TG: variants seen among roughly 807,000 people sequenced by gnomAD.
TG encodes the protein thyroglobulin, also known as thyroid hormones.
Under a neutral mutation model 324.7 loss-of-function variants are expected in TG, and 270 were observed. The ratio of observed to expected loss-of-function variants is 0.83; its 90% confidence interval spans 0.75 to 0.92. The LOEUF (loss-of-function observed/expected upper bound fraction) is 0.92, where lower values mean the gene tolerates loss of function less well. TG is among the 40% of genes least tolerant of loss of function. TG has a pLI of 0.00. For synonymous variants in TG, 1,401 were observed against 1,327.0 expected, an observed-to-expected ratio of 1.06 and a Z score of -1.21; for missense variants, 3,591 against 3,456.4, an observed-to-expected ratio of 1.04 and a Z score of -0.98.
At chr8:132,931,686 T>A (rs1458173666) in intron 23 of TG, among the ~76,000 whole-genome samples, 1 of 152,174 alleles carries the variant, frequency 6.6e-6, no homozygotes, top group Non-Finnish European at 1.5e-5. Context: ...AATTGTTTTC[T>A]TGACTGAATT....
chr8:132,935,751 T>A lies in TG; in HGVS notation c.4933-5T>A, dbSNP rs1345621216. 6.2e-7 allele frequency: 1 copy of A among 1,610,310 alleles called. No homozygotes were observed. The highest frequency in any genetic ancestry group is 1.7e-5 in the Admixed American group (1 of 60,024). ...GATAATAATGCAGCATCTTTCCATC[T>A]CCAGAAACGAGATGCACTGGGGAAC... On this transcript the variant is annotated splice_polypyrimidine_tract_variant and splice_region_variant and intron_variant, in intron 24 of 47. Coordinates refer to ENST00000220616, the MANE Select transcript of TG (RefSeq NM_003235.5).
At chr8:133,036,056 T>C (rs1837087560) in intron 41 of TG, among the ~76,000 whole-genome samples, 1 of 152,198 alleles carries the variant, frequency 6.6e-6, no homozygotes, top group South Asian at 2.1e-4. Flanking sequence ...TCCTTCAGCA[T>C]GCAGTCTTGC....
chr8:132,968,974 T>C (rs1829054704), intron 31 of TG, among the ~76,000 whole-genome samples: 1 of 152,154 alleles, frequency 6.6e-6, no homozygotes, highest in South Asian at 2.1e-4. Context: ...GAACGAACCT[T>C]CTATCTTCTT....
At chr8:133,040,911 C>T (rs777211085) in intron 41 of TG, among the ~76,000 whole-genome samples, 16 of 152,176 alleles carry the variant, frequency 1.1e-4, no homozygotes, top group Non-Finnish European at 1.5e-4. Flanking sequence ...TAAATAAACC[C>T]GTTTCTTTTT....
intron 27 of TG, among the ~76,000 whole-genome samples, chr8:132,958,710 C>CA (rs34843766): frequency 2.6e-4 from 38 of 148,086 alleles, no homozygotes; most frequent in African/African-American, 3.7e-4. Flanking sequence ...GACTTTGTCT[C>CA]AAAAAAAAAA....
At chr8:133,104,248 A>G (rs1011527106) in intron 43 of TG, among the ~76,000 whole-genome samples, 5 of 152,238 alleles carry the variant, frequency 3.3e-5, no homozygotes, top group African/African-American at 1.2e-4. Context: ...TCAGGCCATC[A>G]GAAAAGTGAC....
chr8:133,131,198 C>T (rs1851923624), intron 45 of TG, among the ~76,000 whole-genome samples: 1 of 152,238 alleles, frequency 6.6e-6, no homozygotes, highest in Admixed American at 6.5e-5. Flanking sequence ...GGCTCCTCAG[C>T]ACCAGCTCCA....
intron 43 of TG, among the ~76,000 whole-genome samples, chr8:133,100,266 GAC>G: frequency 6.6e-6 from 1 of 152,088 alleles, no homozygotes; most frequent in South Asian, 2.1e-4. Context: ...GACCTTGCTT[GAC>G]CACTTGGATT....
At chr8:133,064,593 G>A (rs1842812166) in intron 41 of TG, among the ~76,000 whole-genome samples, 1 of 152,228 alleles carries the variant, frequency 6.6e-6, no homozygotes, top group Non-Finnish European at 1.5e-5. Context: ...AGGAACTCTG[G>A]TCAGTGTGCA....
chr8:132,870,196 T>G (rs1369939949), intron 3 of TG, among the ~76,000 whole-genome samples: 1 of 151,898 alleles, frequency 6.6e-6, no homozygotes, highest in African/African-American at 2.4e-5. Context: ...GCTATCCAGT[T>G]AAGATAATTA....
At position 132,933,619 on chromosome 8, in the gene TG, T is replaced by C; in HGVS notation, c.4875T>C (p.Ile1625=). 1 of 1,614,112 alleles carries C rather than the reference T, an allele frequency of 6.2e-7. No individual in the cohort carries two copies. The highest frequency in any genetic ancestry group is 1.7e-5 in the Admixed American group (1 of 60,022). Reference sequence around the variant, plus strand: ...CCGTGTCCACGACGGAGCCAGAGATTTCCTGTGATTTCTATGCTTGGACAA... The same window carrying C: ...CCGTGTCCACGACGGAGCCAGAGATCTCCTGTGATTTCTATGCTTGGACAA... ...FFTVSTTEPE[I]SCDFYAWTSD... The change falls in exon 24 of 48, where the codon ATT becomes ATC. Residue 1625 remains isoleucine (I), a synonymous_variant. Coordinates refer to ENST00000220616, the MANE Select transcript of TG (RefSeq NM_003235.5).
chr8:132,935,675 A>T, intron 24 of TG, 81 bp from the exon 25 acceptor site: 1 of 1,291,528 alleles, frequency 7.7e-7, no homozygotes, highest in Non-Finnish European at 1.1e-6. Context: ...GTGCCTAGCC[A>T]TGGTTAGGGT....
intron 35 of TG, among the ~76,000 whole-genome samples, chr8:132,996,344 T>C (rs918332403): frequency 6.6e-6 from 1 of 152,236 alleles, no homozygotes; most frequent in African/African-American, 2.4e-5. Context: ...GGTTTTGTAG[T>C]ATGTGAATAA....
At chr8:132,933,809 C>A in intron 24 of TG, 133 bp downstream of exon 24, 1 of 818,402 alleles carries the variant, frequency 1.2e-6, no homozygotes, top group Non-Finnish European at 2.1e-6. Flanking sequence ...ACCTCCATTT[C>A]TTCAAAGCAA....
chr8:132,941,884 G>A, intron 26 of TG, among the ~76,000 whole-genome samples: 1 of 152,164 alleles, frequency 6.6e-6, no homozygotes, highest in East Asian at 1.9e-4. Context: ...ATAGAGCCAG[G>A]ATTTGACCCA....
intron 18 of TG, 81 bp downstream of exon 18, chr8:132,908,421 A>G: frequency 1.2e-6 from 1 of 854,002 alleles, no homozygotes; most frequent in South Asian, 1.8e-5. Flanking sequence ...GGCTCACATT[A>G]ACACAGAGGC....
chr8:132,869,634 G>A, intron 2 of TG, 95 bp from the exon 3 acceptor site: 1 of 1,114,796 alleles, frequency 9.0e-7, no homozygotes, highest in African/African-American at 1.5e-5. Flanking sequence ...AAACTTGCAA[G>A]AATGGAAATG....
At chr8:132,971,117 C>A (rs1829454999) in intron 32 of TG, among the ~76,000 whole-genome samples, 1 of 152,092 alleles carries the variant, frequency 6.6e-6, no homozygotes, top group Admixed American at 6.5e-5. Context: ...GGAATTGACC[C>A]CAGAAACATT....
At chr8:133,111,212 TG>T (rs1055694944) in intron 43 of TG, among the ~76,000 whole-genome samples, 20 of 152,142 alleles carry the variant, frequency 1.3e-4, no homozygotes, top group African/African-American at 4.8e-4. Context: ...AAGTTATAAC[TG>T]GGGGAACGAG....
Sources: gnomAD v4.1 joint callset for allele counts (sites outside exome capture counted in the v4.1 genomes callset) on GRCh38, gnomAD v4.1.1 for gene constraint, MANE v1.5 for transcripts, NCBI Gene and HGNC (gene_info 2026-07-23, HGNC 2026-07-21) for gene names.